NOTCH2: variants seen among roughly 807,000 people sequenced by gnomAD.
NOTCH2 encodes the protein notch receptor 2, also known as neurogenic locus notch homolog protein 2.
NOTCH2 carries 29 observed loss-of-function variants against 235.8 expected under a neutral mutation model. The observed-to-expected ratio is 0.12, with a 90% CI of 0.09 to 0.17. NOTCH2 has a LOEUF of 0.17. Ranked by LOEUF, NOTCH2 falls within the 10% of genes least tolerant of loss-of-function variation. The pLI, the probability that NOTCH2 is intolerant of heterozygous loss-of-function variation, is 1.00. For synonymous variants in NOTCH2, 1,086 were observed against 1,141.5 expected, an observed-to-expected ratio of 0.95 and a Z score of 0.98; for missense variants, 2,285 against 3,150.2, an observed-to-expected ratio of 0.73 and a Z score of 6.57.
At chr1:119,923,594 G>T in intron 26 of NOTCH2, 43 bp downstream of exon 26, 1 of 1,526,576 alleles carries the variant, frequency 6.6e-7, no homozygotes, top group Non-Finnish European at 9.1e-7. Flanking sequence ...AAAGTGCTAG[G>T]CTTCATAAAA....
chr1:119,976,353 C>T (rs1651580272), intron 5 of NOTCH2: 2 of 151,112 alleles, frequency 1.3e-5, no homozygotes, highest in Admixed American at 1.3e-4. Context: ...AAAGAACAAG[C>T]TTGAGTGTCC....
intron 3 of NOTCH2, among the ~76,000 whole-genome samples, chr1:120,004,920 A>C (rs587715460): frequency 6.6e-6 from 1 of 152,220 alleles, no homozygotes; most frequent in Admixed American, 6.5e-5. Flanking sequence ...CTACAGGTGC[A>C]CACCACCACA....
intron 3 of NOTCH2, among the ~76,000 whole-genome samples, chr1:119,999,955 GAAAGAAAGAAAGA>G (rs1652662848): frequency 7.7e-6 from 1 of 129,454 alleles, no homozygotes; most frequent in African/African-American, 3.6e-5. Context: ...AAGAAAGAAA[GAAAGAAAGAAAGA>G]AAGAAAGAAA....
In NOTCH2 at chr1:119,919,293, C is replaced by A; in HGVS notation, c.5781+19G>T. 1 of 1,601,922 alleles carries A rather than the reference C, an allele frequency of 6.2e-7. No individual in the cohort carries two copies. On this transcript the variant is annotated intron_variant, in intron 31 of 33. Coordinates refer to ENST00000256646, the MANE Select transcript of NOTCH2 (RefSeq NM_024408.4). ...GCCATAGGAATTATTATTCAAGTGA[C>A]TCTTCTCATGTTCTTTACCTGGAAG... is the stretch of plus-strand genomic sequence containing the variant.
intron 22 of NOTCH2, among the ~76,000 whole-genome samples, chr1:119,933,882 T>C (rs587663556): frequency 1.3e-5 from 2 of 152,332 alleles, no homozygotes; most frequent in South Asian, 2.1e-4. Flanking sequence ...CCGGTCAATA[T>C]ACTGCGAGGG....
intron 1 of NOTCH2, chr1:120,054,149 T>TTCTTTAATATCCCTTGGCA (rs1655060142): frequency 6.8e-6 from 1 of 147,066 alleles, no homozygotes; most frequent in South Asian, 2.2e-4. Context: ...CATCCTCTCC[T>TTCTTTAATATCCCTTGGCA]TCAACATTCA....
intron 11 of NOTCH2, among the ~76,000 whole-genome samples, chr1:119,962,681 T>A (rs1474089037): frequency 1.3e-5 from 2 of 152,180 alleles, no homozygotes; most frequent in African/African-American, 4.8e-5. Context: ...TTTCCTTACA[T>A]CCAGAATGAG....
chr1:120,048,060 C>T (rs1553213931), intron 1 of NOTCH2, among the ~76,000 whole-genome samples: 2 of 151,848 alleles, frequency 1.3e-5, no homozygotes, highest in African/African-American at 4.8e-5. Context: ...AGCCACCATG[C>T]CCAGCTGAAA....
intron 3 of NOTCH2, among the ~76,000 whole-genome samples, chr1:120,001,381 C>T (rs1371480859): frequency 9.9e-5 from 15 of 152,012 alleles, no homozygotes; most frequent in South Asian, 2.1e-4. Flanking sequence ...AGGACTGCTA[C>T]GGACCTCCAC....
chr1:119,994,474 G>C lies in NOTCH2; in HGVS notation c.751+2523C>G, dbSNP rs1459726825. On this transcript the variant is annotated intron_variant, in intron 4 of 33. Transcript: ENST00000256646. ...GGTTTAGATTATGGGACCCTGAAAA[G>C]CAAGAACTAGTCTATGTAACTACTT... 2 of 128,762 alleles carry C rather than the reference G, an allele frequency of 1.6e-5. 1 individual carries two copies. The highest frequency in any genetic ancestry group is 6.8e-5 in the African/African-American group (2 of 29,384). 8.0% of individuals were successfully genotyped at this position (128,762 alleles called of 1,614,324 possible).
At chr1:119,976,735 A>G (rs1365700884) in intron 5 of NOTCH2, among the ~76,000 whole-genome samples, 1 of 152,086 alleles carries the variant, frequency 6.6e-6, no homozygotes, top group Non-Finnish European at 1.5e-5. Context: ...CTATCTCTTT[A>G]GGCTCTAACC....
chr1:120,033,412 A>C (rs1553211281), intron 1 of NOTCH2, among the ~76,000 whole-genome samples: 1 of 26,572 alleles, frequency 3.8e-5, no homozygotes, highest in Non-Finnish European at 1.1e-4. Context: ...CTCCATCTCA[A>C]AAAAAAAAAA....
intron 23 of NOTCH2, among the ~76,000 whole-genome samples, chr1:119,927,564 A>G (rs902306449): frequency 1.3e-5 from 2 of 152,048 alleles, no homozygotes; most frequent in African/African-American, 4.8e-5. Context: ...AAATGCACAA[A>G]CACTACTTCC....
chr1:119,977,110 G>A (rs2101162196), intron 5 of NOTCH2, among the ~76,000 whole-genome samples: 1 of 152,186 alleles, frequency 6.6e-6, no homozygotes, highest in East Asian at 1.9e-4. Flanking sequence ...CCTCATCACT[G>A]AATCCCCAGC....
At position 119,987,057 on chromosome 1, in the gene NOTCH2, C is replaced by T. The variant is rs782081216; in HGVS notation, c.777G>A (p.Arg259=). ...TGTGGTTAGGGCAGTCATCAATATT[C>T]CTCTCACAGGTGCTCCCTTCAAAAC... ...LPGFEGSTCE[R]NIDDCPNHRC... is the part of the protein sequence containing the mutation. The change falls in exon 5 of 34, where the codon AGG becomes AGA. Residue 259 remains arginine (R), a synonymous_variant. Coordinates refer to ENST00000256646, the MANE Select transcript of NOTCH2 (RefSeq NM_024408.4). The T allele has an allele frequency of 1.9e-6, 3 of 1,613,522 alleles. No homozygotes were observed. The African/African-American group carries it at 4.0e-5, about 22-fold the overall frequency.
In NOTCH2 at chr1:119,914,816, G is replaced by A. The variant is rs1649007961; in HGVS notation, c.*490C>T. 1 of 299,602 alleles carries A rather than the reference G, an allele frequency of 3.3e-6. No homozygotes were observed. The highest frequency in any genetic ancestry group is 6.3e-6 in the Non-Finnish European group (1 of 158,730). The allele number at this position is 299,602 out of a possible 1,614,324, so 18.6% of individuals were successfully genotyped here. On this transcript the variant is annotated 3_prime_UTR_variant, in exon 34 of 34. Coordinates refer to ENST00000256646, the MANE Select transcript of NOTCH2 (RefSeq NM_024408.4). ...AACATGCTGGTAGGGCTACAATCAC[G>A]GAGAGGTGCAAAACCAAAAGCACCA...
chr1:119,999,917 G>A (rs61786996), intron 3 of NOTCH2, among the ~76,000 whole-genome samples: 3 of 91,096 alleles, frequency 3.3e-5, no homozygotes, highest in Non-Finnish European at 7.2e-5. Flanking sequence ...GAGAAAGAGA[G>A]AGAAAGAAAG....
rs587765278 is a variant in NOTCH2, at chr1:120,000,450, C to T, written c.416-3118G>A. On this transcript the variant is annotated intron_variant, in intron 3 of 33. Transcript: ENST00000256646. ...TCAGGAGGCTGAGGCAGAAGAATGG[C>T]GTGAACCCGGGAGGTGGAGCTTGCA... Among the ~76,000 whole-genome samples, 21 of 145,180 alleles carry T rather than the reference C, an allele frequency of 1.4e-4. No homozygotes were observed. In the Middle Eastern group the frequency reaches 0.011, roughly 74 times the overall value.
intron 1 of NOTCH2, among the ~76,000 whole-genome samples, chr1:120,035,292 C>G (rs1337083176): frequency 1.3e-5 from 2 of 151,388 alleles, no homozygotes; most frequent in Non-Finnish European, 2.9e-5. Context: ...GTTTGGCTCT[C>G]TTAAGAACCA....
Sources: allele counts gnomAD v4.1 joint callset (sites outside exome capture counted in the v4.1 genomes callset), GRCh38; gene constraint gnomAD v4.1.1; transcripts MANE v1.5; gene names NCBI Gene and HGNC (gene_info 2026-07-23, HGNC 2026-07-21).